MINDY2: variants seen among roughly 807,000 people sequenced by gnomAD.
MINDY2 encodes ubiquitin carboxyl-terminal hydrolase MINDY-2.
Under a neutral mutation model 68.2 loss-of-function variants are expected in MINDY2, and 52 were observed. The observed-to-expected ratio is 0.76, with a 90% CI of 0.61 to 0.96. The LOEUF is 0.96. Ranked by LOEUF, MINDY2 falls within the 40% of genes least tolerant of loss-of-function variation. MINDY2 has a pLI of 0.00. For missense variants in MINDY2, 881 were observed against 773.4 expected, an observed-to-expected ratio of 1.14 and a Z score of -1.65; for synonymous variants, 372 against 303.0, an observed-to-expected ratio of 1.23 and a Z score of -2.36.
chr15:58,771,636 T>A lies in MINDY2; in HGVS notation c.241T>A (p.Ser81Thr), dbSNP rs774562152. 6.2e-7 allele frequency: 1 copy of A among 1,612,328 alleles called. No individual in the cohort carries two copies. Among genetic ancestry groups the A allele is most frequent in the South Asian group, 1.1e-5 (1 of 91,074 alleles). Residue 81 changes from serine to threonine, a missense_variant, in exon 1 of 9, where the codon TCC becomes ACC. Transcript: ENST00000559228. ...TCCTGAGGTTCCCGGACCCTGCAGC[T>A]CCTCCGCGGGTTTGGACTTGAAGGA... ...GSPEVPGPCS[S>T]SAGLDLKDSG...
chr15:58,810,310 G>A lies in MINDY2; in HGVS notation c.1044G>A (p.Val348=). 6.2e-7 allele frequency: 1 copy of A among 1,613,820 alleles called. No homozygotes were observed. The highest frequency in any genetic ancestry group is 8.5e-7 in the Non-Finnish European group (1 of 1,179,916). Residue 348 remains valine (V), a synonymous_variant, in exon 4 of 9, where the codon GTG becomes GTA. Transcript: ENST00000559228. ...ATGTAAGATTCACTGGTGTTCGAGT[G>A]TTTGAATATACACCAGAATGCATAG... is the stretch of plus-strand genomic sequence containing the variant. ...DVNVRFTGVR[V]FEYTPECIVF... is the part of the protein sequence containing the mutation.
chr15:58,845,563 T>C (rs1486803232), intron 6 of MINDY2, among the ~76,000 whole-genome samples: 4 of 152,080 alleles, frequency 2.6e-5, no homozygotes, highest in African/African-American at 9.7e-5. Flanking sequence ...TTGGTGAGGA[T>C]ATGGAGAAAA....
intron 1 of MINDY2, among the ~76,000 whole-genome samples, chr15:58,787,162 T>TTTTA (rs1194957754): frequency 6.8e-6 from 1 of 146,860 alleles, no homozygotes; most frequent in Non-Finnish European, 1.5e-5. Context: ...TTTTTTTTTT[T>TTTTA]TTACTCTGTT....
chr15:58,778,324 T>C (rs1482700441), intron 1 of MINDY2, among the ~76,000 whole-genome samples: 3 of 152,170 alleles, frequency 2.0e-5, no homozygotes, highest in Non-Finnish European at 4.4e-5. Context: ...TAACTCTTTT[T>C]GGTAGGGAAT....
At chr15:58,813,685 G>A (rs748416708) in intron 4 of MINDY2, among the ~76,000 whole-genome samples, 21 of 151,390 alleles carry the variant, frequency 1.4e-4, no homozygotes, top group Non-Finnish European at 2.7e-4. Context: ...TGATCCTCTT[G>A]CCGCAGCCTC....
rs1714667568 is a variant in MINDY2 at position 58,859,352 on chromosome 15, G to C, written c.*4742G>C. The C allele has an allele frequency of 6.6e-6, 1 of 151,954 alleles. No homozygotes were observed. The highest frequency in any genetic ancestry group is 2.4e-5 in the African/African-American group (1 of 41,372). 9.4% of individuals were successfully genotyped at this position (151,954 alleles called of 1,614,324 possible). A position where few individuals can be genotyped will look rare whatever the true frequency, so the allele number is the denominator to read the frequency against. On this transcript the variant is annotated 3_prime_UTR_variant, in exon 9 of 9. Coordinates refer to ENST00000559228, the MANE Select transcript of MINDY2 (RefSeq NM_001040450.3). ...GTATATAAACTTCGTTTGCATTGGT[G>C]GAATTCATTTAGATCTCTCAAGTAA...
intron 1 of MINDY2, among the ~76,000 whole-genome samples, chr15:58,785,084 A>G (rs1055816927): frequency 2.0e-5 from 3 of 150,034 alleles, no homozygotes; most frequent in Non-Finnish European, 4.4e-5. Flanking sequence ...TTATTAGGTC[A>G]TTAAGAAAAC....
intron 1 of MINDY2, among the ~76,000 whole-genome samples, chr15:58,779,317 A>T (rs1359548891): frequency 6.6e-6 from 1 of 152,246 alleles, no homozygotes; most frequent in Non-Finnish European, 1.5e-5. Context: ...CTATTGTCTC[A>T]TCACCTGCAA....
At chr15:58,818,952 T>C (rs775537374) in intron 4 of MINDY2, among the ~76,000 whole-genome samples, 24 of 151,858 alleles carry the variant, frequency 1.6e-4, no homozygotes, top group Admixed American at 6.6e-4. Flanking sequence ...ATTGATCTTG[T>C]GTTTATTATT....
chr15:58,772,223 C>G lies in MINDY2; in HGVS notation c.828C>G (p.Leu276=), dbSNP rs200544208. Residue 276 remains leucine (L), a synonymous_variant, in exon 1 of 9, where the codon CTC becomes CTG. Coordinates refer to ENST00000559228, the MANE Select transcript of MINDY2 (RefSeq NM_001040450.3). ...CPLLAILNVL[L]LAWKVKLPPM... ...TGCTGGCCATCCTCAATGTTTTGCTCCTGGCCTGGAAGGTACATTCTGCAG... is the reference window on the plus strand; with the variant it reads ...TGCTGGCCATCCTCAATGTTTTGCTGCTGGCCTGGAAGGTACATTCTGCAG... 6.2e-7 allele frequency: 1 copy of G among 1,611,464 alleles called. No individual in the cohort carries two copies. Among genetic ancestry groups the G allele is most frequent in the Non-Finnish European group, 8.5e-7 (1 of 1,180,010 alleles).
chr15:58,851,646 G>A, intron 7 of MINDY2, 125 bp from the exon 8 acceptor site: 2 of 741,372 alleles, frequency 2.7e-6, no homozygotes, highest in Non-Finnish European at 4.2e-6. Context: ...TTGCTATATT[G>A]CCCAGGCCTG....
chr15:58,787,617 G>T (rs1901593775), intron 1 of MINDY2, among the ~76,000 whole-genome samples: 1 of 151,450 alleles, frequency 6.6e-6, no homozygotes, highest in African/African-American at 2.4e-5. Flanking sequence ...GGTGCCTGTA[G>T]TCCCAGCTAC....
chr15:58,807,131 T>A (rs1903069379), intron 3 of MINDY2, among the ~76,000 whole-genome samples: 1 of 152,184 alleles, frequency 6.6e-6, no homozygotes, highest in Non-Finnish European at 1.5e-5. Flanking sequence ...AAGATTTCCT[T>A]CATTTTCACC....
At chr15:58,773,570 T>C (rs1052175706) in intron 1 of MINDY2, among the ~76,000 whole-genome samples, 1 of 152,122 alleles carries the variant, frequency 6.6e-6, no homozygotes, top group Non-Finnish European at 1.5e-5. Context: ...ATGAGACAAG[T>C]GGTAGGTAAA....
At chr15:58,810,025 C>A (rs1220285111) in intron 3 of MINDY2, among the ~76,000 whole-genome samples, 1 of 152,210 alleles carries the variant, frequency 6.6e-6, no homozygotes, top group Non-Finnish European at 1.5e-5. Context: ...GATCCGCCCA[C>A]CTCAGTGTCT....
rs541222965 is a variant in MINDY2, at chr15:58,774,007, A to G, written c.840+1772A>G. On this transcript the variant is annotated intron_variant, in intron 1 of 8. Coordinates refer to ENST00000559228, the MANE Select transcript of MINDY2 (RefSeq NM_001040450.3). The stretch of plus-strand genomic sequence containing the variant: ...TCCCTAATCTTTTTTGTAGGAAGGA[A>G]TAACTATTATTTTCCTTTAGTCTTT... Among the ~76,000 whole-genome samples the G allele has an allele frequency of 2.6e-4, 39 of 152,332 alleles. No homozygotes were observed. The South Asian group carries it at 6.6e-3, about 26-fold the overall frequency.
At chr15:58,853,253 T>C (rs571121173) in intron 8 of MINDY2, among the ~76,000 whole-genome samples, 2 of 152,008 alleles carry the variant, frequency 1.3e-5, no homozygotes, top group African/African-American at 4.8e-5. Context: ...ACGCCTGGCC[T>C]AAACTGTTCA....
intron 1 of MINDY2, among the ~76,000 whole-genome samples, chr15:58,780,867 C>T (rs1241070403): frequency 6.6e-6 from 1 of 152,196 alleles, no homozygotes; most frequent in Non-Finnish European, 1.5e-5. Flanking sequence ...CTTTATCTCT[C>T]ACCTGGACTA....
Position 58,771,958 on chromosome 15 carries a change from G to C in MINDY2, c.563G>C (p.Ser188Thr), listed in dbSNP as rs754415482. ...SFSNLHSFPS[S>T]CEFNSEEGAE... ...TCTAACCTGCATTCTTTTCCCAGTAGCTGCGAGTTCAATAGTGAGGAGGGA... is the reference window on the plus strand; with the variant it reads ...TCTAACCTGCATTCTTTTCCCAGTACCTGCGAGTTCAATAGTGAGGAGGGA... Residue 188 changes from serine to threonine, a missense_variant, in exon 1 of 9, where the codon AGC (serine) becomes ACC (threonine). Ser to Thr is a moderately conservative substitution (Grantham distance 58). Transcript: ENST00000559228. 4.5e-6 allele frequency: 7 copies of C among 1,561,090 alleles called. No homozygotes were observed. In the South Asian group the frequency reaches 6.1e-5, roughly 14 times the overall value.
Sources: allele counts gnomAD v4.1 joint callset (sites outside exome capture counted in the v4.1 genomes callset), GRCh38; gene constraint gnomAD v4.1.1; transcripts MANE v1.5; gene names NCBI Gene and HGNC (gene_info 2026-07-23, HGNC 2026-07-21).